DNA2: variants seen among roughly 807,000 people sequenced by gnomAD.
DNA2 encodes the protein DNA replication ATP-dependent helicase/nuclease DNA2.
Under a neutral mutation model 119.1 loss-of-function variants are expected in DNA2, and 101 were observed. That is an observed-to-expected ratio of 0.85 (90% CI 0.72 to 1.00). The LOEUF (loss-of-function observed/expected upper bound fraction) is 1.00. Among genes scored for constraint, DNA2 ranks in the 50% least tolerant of loss-of-function variants. DNA2 has a pLI of 0.00. For synonymous variants in DNA2, 366 were observed against 424.4 expected (o/e 0.86, Z 1.69); for missense variants, 1,121 against 1,255.5 (o/e 0.89, Z 1.62).
At chr10:68,417,965 A>C (rs767821616) in intron 19 of DNA2, among the ~76,000 whole-genome samples, 14 of 152,210 alleles carry the variant, frequency 9.2e-5, no homozygotes, top group Non-Finnish European at 1.6e-4. Context: ...AAATTCAGAG[A>C]TAGAATGTAG....
chr10:68,448,973 GT>G, intron 6 of DNA2, among the ~76,000 whole-genome samples: 1 of 140,792 alleles, frequency 7.1e-6, no homozygotes, highest in Non-Finnish European at 1.5e-5. Context: ...GTGTGCGTGT[GT>G]GTGTGTGTGT....
Position 68,432,325 on chromosome 10 carries a change from GA to G in DNA2, c.1764-11del. On this transcript the variant is annotated splice_polypyrimidine_tract_variant and intron_variant, in intron 11 of 20. Coordinates refer to ENST00000358410, the MANE Select transcript of DNA2 (RefSeq NM_001080449.3). ...ATCTCGAAGTTTTTTGCTGAAAAGTGAAAAAGCACTTTTAGTAATATTCCTT... is the reference window on the plus strand; with the variant it reads ...ATCTCGAAGTTTTTTGCTGAAAAGTGAAAAGCACTTTTAGTAATATTCCTT... 6.3e-7 allele frequency: 1 copy of G among 1,585,222 alleles called. No individual in the cohort carries two copies. Among genetic ancestry groups the G allele is most frequent in the Middle Eastern group, 1.7e-4 (1 of 5,960 alleles).
In DNA2 at chr10:68,445,019, A is replaced by C. The variant is rs766320943; in HGVS notation, c.1122T>G (p.Thr374=). The C allele has an allele frequency of 6.2e-7, 1 of 1,613,396 alleles. No individual in the cohort carries two copies. The highest frequency in any genetic ancestry group is 1.1e-5 in the South Asian group (1 of 91,012). The change falls in exon 8 of 21, where the codon ACT becomes ACG. Residue 374 remains threonine (T), a synonymous_variant. Transcript: ENST00000358410. ...SLFHRISKSA[T]RQKTQLASLP... ...AAGAAGCAAGCTGTGTCTTCTGTCTAGTAGCAGATTTGCTAATACGGTGAA... is the reference window on the plus strand; with the variant it reads ...AAGAAGCAAGCTGTGTCTTCTGTCTCGTAGCAGATTTGCTAATACGGTGAA...
chr10:68,435,606 C>T (rs1487865381), intron 10 of DNA2, among the ~76,000 whole-genome samples: 2 of 152,026 alleles, frequency 1.3e-5, no homozygotes, highest in Non-Finnish European at 2.9e-5. Flanking sequence ...TAGGCATGTG[C>T]GCTACCATGC....
chr10:68,462,024 A>T (rs974192144), intron 4 of DNA2, among the ~76,000 whole-genome samples: 2 of 152,140 alleles, frequency 1.3e-5, no homozygotes, highest in Non-Finnish European at 2.9e-5. Flanking sequence ...TTTTTACAAT[A>T]GTTTTTTCAT....
chr10:68,419,458 A>C (rs2051637155), intron 18 of DNA2: 2 of 522,316 alleles, frequency 3.8e-6, no homozygotes, highest in Non-Finnish European at 6.7e-6. Context: ...ATTATATGCT[A>C]CTAAAACAGT....
Position 68,467,619 on chromosome 10 carries a change from C to T in DNA2, c.441+504G>A, listed in dbSNP as rs7080818. Among the ~76,000 whole-genome samples the T allele has an allele frequency of 6.6e-3, 1,000 of 152,220 alleles. 9 individuals are homozygous for T. Among genetic ancestry groups the T allele is most frequent in the African/African-American group, 0.023 (941 of 41,540 alleles). Reference sequence around the variant, plus strand: ...AGGCTAGACTGCAGTAGCATGATCTCGGCTCACTGCAACCTCCATCTCCCG... The same window carrying T: ...AGGCTAGACTGCAGTAGCATGATCTTGGCTCACTGCAACCTCCATCTCCCG... On this transcript the variant is annotated intron_variant, in intron 3 of 20. Coordinates refer to ENST00000358410, the MANE Select transcript of DNA2 (RefSeq NM_001080449.3).
intron 19 of DNA2, 113 bp downstream of exon 19, chr10:68,418,921 C>A: frequency 1.1e-6 from 1 of 880,292 alleles, no homozygotes; most frequent in East Asian, 2.9e-5. Flanking sequence ...GATCCACCCG[C>A]CTTGGCCTCC....
intron 10 of DNA2, among the ~76,000 whole-genome samples, chr10:68,433,619 T>A (rs908285308): frequency 6.6e-6 from 1 of 152,130 alleles, no homozygotes; most frequent in African/African-American, 2.4e-5. Flanking sequence ...AGCCTTGAAC[T>A]CCTGAGCTCA....
rs2051634436 is a variant in DNA2 at position 68,419,224 on chromosome 10, A to G, written c.2788-11T>C. On this transcript the variant is annotated splice_polypyrimidine_tract_variant and intron_variant, in intron 18 of 20. Coordinates refer to ENST00000358410, the MANE Select transcript of DNA2 (RefSeq NM_001080449.3). ...GGGACTGCATCCAGCCTAAATAGAAAAAGACACAATTTAAAAGAAAGAAAT... is the reference window on the plus strand; with the variant it reads ...GGGACTGCATCCAGCCTAAATAGAAGAAGACACAATTTAAAAGAAAGAAAT... 2 of 1,521,612 alleles carry G rather than the reference A, an allele frequency of 1.3e-6. No homozygotes were observed. Among genetic ancestry groups the G allele is most frequent in the Non-Finnish European group, 1.8e-6 (2 of 1,139,938 alleles). The allele number at this position is 1,521,612 out of a possible 1,614,324, so 94.3% of individuals were successfully genotyped here. A position where few individuals can be genotyped will look rare whatever the true frequency, so the allele number is the denominator to read the frequency against.
chr10:68,437,886 A>G (rs997139863), intron 9 of DNA2, among the ~76,000 whole-genome samples: 7 of 151,822 alleles, frequency 4.6e-5, no homozygotes, highest in African/African-American at 1.7e-4. Flanking sequence ...AATTTTTTAT[A>G]TTTTTAGTAG....
chr10:68,422,976 A>G (rs904555709), intron 14 of DNA2, 86 bp from the exon 15 acceptor site: 5 of 1,046,668 alleles, frequency 4.8e-6, no homozygotes, highest in Non-Finnish European at 6.8e-6. Flanking sequence ...AAAAGATCAA[A>G]AGGTTTTTGT....
At chr10:68,436,032 C>G (rs1356503612) in intron 10 of DNA2, among the ~76,000 whole-genome samples, 2 of 152,092 alleles carry the variant, frequency 1.3e-5, no homozygotes, top group Non-Finnish European at 2.9e-5. Context: ...GGTAGTTCCT[C>G]AAAATGTTAA....
chr10:68,422,160 G>A, intron 17 of DNA2, 65 bp downstream of exon 17: 1 of 1,332,938 alleles, frequency 7.5e-7, no homozygotes, highest in South Asian at 1.5e-5. Context: ...ATGTGCTAAT[G>A]AAAACTGAGA....
intron 8 of DNA2, among the ~76,000 whole-genome samples, chr10:68,443,527 C>A (rs2051997896): frequency 1.3e-5 from 2 of 152,158 alleles, no homozygotes; most frequent in Admixed American, 6.5e-5. Context: ...TCTATAGAAA[C>A]AAACATGCTA....
intron 8 of DNA2, among the ~76,000 whole-genome samples, chr10:68,444,673 G>A (rs546279526): frequency 4.8e-5 from 7 of 145,702 alleles, no homozygotes; most frequent in African/African-American, 1.0e-4. Context: ...GTGGTGAGCC[G>A]AGATTGCACC....
chr10:68,458,073 T>A (rs537065216), intron 5 of DNA2, among the ~76,000 whole-genome samples: 11 of 151,908 alleles, frequency 7.2e-5, no homozygotes, highest in Middle Eastern at 3.4e-3. Context: ...CTCAGGAGGC[T>A]GAGGCAGGAG....
At chr10:68,415,653 A>C (rs557002250) in intron 20 of DNA2, among the ~76,000 whole-genome samples, 87 of 152,054 alleles carry the variant, frequency 5.7e-4, no homozygotes, top group African/African-American at 2.0e-3. Flanking sequence ...AACTTCATAC[A>C]CTGTTTTTTT....
Position 68,422,258 on chromosome 10 carries a change from G to A in DNA2, c.2664C>T (p.Pro888=), listed in dbSNP as rs931442484. The part of the protein sequence containing the change: ...DNPWLMGVFE[P]NNPVCFLNTD... ...TATTAAGGAAACAAACAGGATTGTTGGGTTCAAATACTCCCATCAACCAAG... is the reference window on the plus strand; with the variant it reads ...TATTAAGGAAACAAACAGGATTGTTAGGTTCAAATACTCCCATCAACCAAG... Residue 888 remains proline, a synonymous_variant, in exon 17 of 21, where the codon CCC becomes CCT. Transcript: ENST00000358410. 1.2e-6 allele frequency: 2 copies of A among 1,610,936 alleles called. No individual in the cohort carries two copies. Among genetic ancestry groups the A allele is most frequent in the Non-Finnish European group, 1.7e-6 (2 of 1,178,774 alleles).
Sources: gnomAD v4.1 joint callset for allele counts (sites outside exome capture counted in the v4.1 genomes callset) on GRCh38, gnomAD v4.1.1 for gene constraint, MANE v1.5 for transcripts, NCBI Gene and HGNC (gene_info 2026-07-23, HGNC 2026-07-21) for gene names.